ZC3HAV1: variants seen among roughly 807,000 people sequenced by gnomAD.
ZC3HAV1 encodes zinc finger CCCH-type containing, antiviral 1, also known as zinc finger CCCH-type antiviral protein 1.
ZC3HAV1 carries 41 observed loss-of-function variants against 86.6 expected under a neutral mutation model. The observed-to-expected ratio is 0.47, with a 90% CI of 0.37 to 0.61. The LOEUF (loss-of-function observed/expected upper bound fraction) is 0.61. Among genes scored for constraint, ZC3HAV1 ranks in the 20% least tolerant of loss-of-function variants. The pLI, the probability that ZC3HAV1 is intolerant of heterozygous loss-of-function variation, is 0.00. For synonymous variants in ZC3HAV1, 421 were observed against 432.1 expected, an observed-to-expected ratio of 0.97 and a Z score of 0.32; for missense variants, 964 against 1,141.1, an observed-to-expected ratio of 0.84 and a Z score of 2.24.
At position 139,083,802 on chromosome 7, in the gene ZC3HAV1, C is replaced by T. The variant is rs1817198250; in HGVS notation, c.675G>A (p.Gln225=). ...IQDICNSKHM[Q]KNPPGPRAPS... ...TACCTCTGGGCCCTGGGGGATTCTTCTGCATGTGCTTGCTGTTGCAGATGT... is the reference window on the plus strand; with the variant it reads ...TACCTCTGGGCCCTGGGGGATTCTTTTGCATGTGCTTGCTGTTGCAGATGT... The change falls in exon 3 of 13, where the codon CAG becomes CAA. Residue 225 remains glutamine (Q), a synonymous_variant. Coordinates refer to ENST00000242351, the MANE Select transcript of ZC3HAV1 (RefSeq NM_020119.4). 3 of 1,611,218 alleles carry T rather than the reference C, an allele frequency of 1.9e-6. No homozygotes were observed. In the East Asian group the frequency reaches 6.7e-5, roughly 36 times the overall value.
At chr7:139,076,253 C>T in intron 6 of ZC3HAV1, 33 bp downstream of exon 6, 1 of 1,613,908 alleles carries the variant, frequency 6.2e-7, no homozygotes, top group Non-Finnish European at 8.5e-7. Flanking sequence ...TAATGTTGGA[C>T]TCTTGAAAGC....
At chr7:139,071,393 C>T (rs970445691) in intron 7 of ZC3HAV1, among the ~76,000 whole-genome samples, 6 of 152,178 alleles carry the variant, frequency 3.9e-5, no homozygotes, top group Admixed American at 6.5e-5. Flanking sequence ...TGAGCCACCA[C>T]GCCCGGCCTC....
intron 11 of ZC3HAV1, 118 bp downstream of exon 11, chr7:139,053,847 A>C: frequency 1.6e-6 from 2 of 1,241,578 alleles, no homozygotes; most frequent in Admixed American, 3.2e-5. Flanking sequence ...AAAAAAGACT[A>C]GCGCCTAAAG....
At chr7:139,060,811 ACTTCC>A in intron 9 of ZC3HAV1, 1 of 1,428,938 alleles carries the variant, frequency 7.0e-7, no homozygotes, top group Non-Finnish European at 9.2e-7. Flanking sequence ...ACTCGCTCAG[ACTTCC>A]CTTTCAGAAA....
intron 12 of ZC3HAV1, among the ~76,000 whole-genome samples, chr7:139,051,028 T>C (rs551432780): frequency 1.3e-5 from 2 of 152,176 alleles, no homozygotes; most frequent in Admixed American, 1.3e-4. Context: ...AACACCTCTC[T>C]AGCTGGGTTA....
chr7:139,059,631 T>A (rs1584842236), intron 9 of ZC3HAV1, among the ~76,000 whole-genome samples: 1 of 147,976 alleles, frequency 6.8e-6, no homozygotes, highest in Non-Finnish European at 1.5e-5. Flanking sequence ...AAAAAAAAAA[T>A]TTACTGAAAG....
intron 12 of ZC3HAV1, among the ~76,000 whole-genome samples, chr7:139,048,411 G>T (rs1816024441): frequency 6.6e-6 from 1 of 152,070 alleles, no homozygotes; most frequent in Non-Finnish European, 1.5e-5. Flanking sequence ...TTTGAGACCA[G>T]CCTGGGCAAC....
In ZC3HAV1 at chr7:139,109,403, A is replaced by C. The variant is rs1814170; in HGVS notation, c.-72T>G. 3 of 1,456,612 alleles carry C rather than the reference A, an allele frequency of 2.1e-6. No individual in the cohort carries two copies. Among genetic ancestry groups the C allele is most frequent in the Non-Finnish European group, 1.8e-6 (2 of 1,105,696 alleles). The allele number at this position is 1,456,612 out of a possible 1,614,324, so 90.2% of individuals were successfully genotyped here. A position where few individuals can be genotyped will look rare whatever the true frequency, so the allele number is the denominator to read the frequency against. ...GCGGAAATCGGAAATCGAAACTTAC[A>C]AGTGTCCAGGGGCGGGCGCGGGCGG... On this transcript the variant is annotated 5_prime_UTR_variant, in exon 1 of 13. Transcript: ENST00000242351.
Position 139,078,906 on chromosome 7 carries a change from A to G in ZC3HAV1, c.1472-253T>C, listed in dbSNP as rs538758067. 3.2e-3 allele frequency among the ~76,000 whole-genome samples: 485 copies of G among 152,338 alleles called. 2 individuals are homozygous for G. The highest frequency in any genetic ancestry group is 0.011 in the African/African-American group (451 of 41,576). ...TATTCCTATTGTCAATAAATGTGGC[A>G]GTTTATTCCCTGTGGTTCTACTGGT... On this transcript the variant is annotated intron_variant, in intron 4 of 12. Transcript: ENST00000242351.
At chr7:139,070,446 C>G (rs1020080368) in intron 7 of ZC3HAV1, among the ~76,000 whole-genome samples, 6 of 150,602 alleles carry the variant, frequency 4.0e-5, no homozygotes, top group Non-Finnish European at 8.9e-5. Context: ...GGGCAGATCA[C>G]GAGGTCAGGA....
intron 7 of ZC3HAV1, among the ~76,000 whole-genome samples, chr7:139,070,598 G>A (rs1293345968): frequency 2.1e-4 from 31 of 144,680 alleles, no homozygotes; most frequent in African/African-American, 4.2e-4. Flanking sequence ...CGGGAGGCGG[G>A]GCTTGCAGTA....
At chr7:139,096,906 G>A (rs1289370541) in intron 1 of ZC3HAV1, among the ~76,000 whole-genome samples, 1 of 152,144 alleles carries the variant, frequency 6.6e-6, no homozygotes, top group East Asian at 1.9e-4. Context: ...GCTGAGGAGG[G>A]TGGATAGCTT....
intron 7 of ZC3HAV1, among the ~76,000 whole-genome samples, chr7:139,071,108 T>A (rs1816760321): frequency 6.6e-6 from 1 of 151,654 alleles, no homozygotes; most frequent in South Asian, 2.1e-4. Context: ...GAAACCTTTT[T>A]TTTTTTTTTT....
intron 3 of ZC3HAV1, among the ~76,000 whole-genome samples, chr7:139,083,160 T>C (rs1817174800): frequency 6.6e-6 from 1 of 150,976 alleles, no homozygotes; most frequent in African/African-American, 2.4e-5. Flanking sequence ...CTGATAAATC[T>C]AAACAATTTT....
At chr7:139,084,110 T>A in intron 2 of ZC3HAV1, 78 bp from the exon 3 acceptor site, 1 of 1,550,478 alleles carries the variant, frequency 6.4e-7, no homozygotes, top group African/African-American at 1.4e-5. Context: ...CAAGCTCACG[T>A]GTGCAAAAAT....
At chr7:139,055,944 T>A (rs745317445) in intron 9 of ZC3HAV1, among the ~76,000 whole-genome samples, 2 of 152,182 alleles carry the variant, frequency 1.3e-5, no homozygotes, top group Non-Finnish European at 2.9e-5. Flanking sequence ...CAGACTGGAA[T>A]GACCTGAACC....
Position 139,047,206 on chromosome 7 carries a change from G to C in ZC3HAV1, c.*388C>G, listed in dbSNP as rs928915180. 8.2e-6 allele frequency: 2 copies of C among 245,212 alleles called. No individual in the cohort carries two copies. The highest frequency in any genetic ancestry group is 1.6e-5 in the Non-Finnish European group (2 of 127,440). The allele number at this position is 245,212 out of a possible 1,614,324, so 15.2% of individuals were successfully genotyped here. ...TAGCTGGGCGCGGCAGTGTGTGCCT[G>C]TAGTTCCAGCTACTCGGGAGGCTGA... On this transcript the variant is annotated 3_prime_UTR_variant, in exon 13 of 13. Coordinates refer to ENST00000242351, the MANE Select transcript of ZC3HAV1 (RefSeq NM_020119.4).
chr7:139,053,835 A>AAG (rs1816207590), intron 11 of ZC3HAV1, 130 bp downstream of exon 11: 1 of 1,283,930 alleles, frequency 7.8e-7, no homozygotes. Context: ...ATGAAAAAAA[A>AAG]AAAAAAAGAC....
chr7:139,057,693 C>T (rs192922225), intron 9 of ZC3HAV1, among the ~76,000 whole-genome samples: 889 of 79,480 alleles, frequency 0.011, 359 homozygotes, highest in African/African-American at 0.05. Context: ...CGCCCGCCAC[C>T]ACGCCCGGCT....
Sources: gnomAD v4.1 joint callset for allele counts (sites outside exome capture counted in the v4.1 genomes callset) on GRCh38, gnomAD v4.1.1 for gene constraint, MANE v1.5 for transcripts, NCBI Gene and HGNC (gene_info 2026-07-23, HGNC 2026-07-21) for gene names.